The following EIF4E3 variants were observed in gnomAD, a reference collection of about 807,000 sequenced individuals.
EIF4E3 encodes eukaryotic translation initiation factor 4E family member 3, also known as eukaryotic translation initiation factor 4E type 3.
EIF4E3 carries 26 observed loss-of-function variants against 31.7 expected under a neutral mutation model. The observed-to-expected ratio is 0.82, with a 90% CI of 0.60 to 1.14. The LOEUF (loss-of-function observed/expected upper bound fraction) is 1.14. Among genes scored for constraint, EIF4E3 ranks in the 50% most tolerant of loss-of-function variants. EIF4E3 has a pLI of 0.00. For missense variants in EIF4E3, 304 were observed against 270.9 expected, an observed-to-expected ratio of 1.12 and a Z score of -0.86; for synonymous variants, 128 against 107.7, an observed-to-expected ratio of 1.19 and a Z score of -1.17.
At chr3:71,706,739 C>A (rs6785299) in intron 2 of EIF4E3, among the ~76,000 whole-genome samples, 2,832 of 152,198 alleles carry the variant, frequency 0.019, 84 homozygotes, top group African/African-American at 0.065. Context: ...GGGAGGATCT[C>A]TTGAGACCAG....
intron 2 of EIF4E3, among the ~76,000 whole-genome samples, chr3:71,706,914 C>T (rs1210894692): frequency 2.0e-5 from 3 of 152,144 alleles, no homozygotes; most frequent in African/African-American, 7.2e-5. Context: ...AGATAGTATC[C>T]TGGCCAGTTC....
rs897084135 is a variant in EIF4E3, at chr3:71,678,597, A to G, written c.*6085T>C. ...ATAAAATCAAAAATAACTAGAACAG[A>G]AAAGTTTTCAGTCTGACCTTAAAAA... is the stretch of plus-strand genomic sequence containing the variant. On this transcript the variant is annotated 3_prime_UTR_variant, in exon 7 of 7. Coordinates refer to ENST00000425534, the MANE Select transcript of EIF4E3 (RefSeq NM_001134651.2). 1 of 152,170 alleles carries G rather than the reference A, an allele frequency of 6.6e-6. No individual in the cohort carries two copies. Among genetic ancestry groups the G allele is most frequent in the South Asian group, 2.1e-4 (1 of 4,824 alleles). 9.4% of individuals were successfully genotyped at this position (152,170 alleles called of 1,614,324 possible).
At chr3:71,733,256 C>A (rs1486940589) in intron 1 of EIF4E3, among the ~76,000 whole-genome samples, 1 of 152,162 alleles carries the variant, frequency 6.6e-6, no homozygotes, top group African/African-American at 2.4e-5. Flanking sequence ...ATTTCAGCAA[C>A]CATCTTGGAG....
upstream of EIF4E3, chr3:71,754,169 G>T (rs1286436932): frequency 6.9e-7 from 1 of 1,453,134 alleles, no homozygotes; most frequent in Non-Finnish European, 9.1e-7. This position sits in a 1 kb window ranked among gnomAD's most constrained non-coding sequence, Gnocchi z 5.8. Flanking sequence ...TGCTGTTCGC[G>T]CTGCTGATCG....
intron 2 of EIF4E3, among the ~76,000 whole-genome samples, chr3:71,705,864 G>A (rs937913161): frequency 2.6e-5 from 4 of 152,014 alleles, no homozygotes; most frequent in Admixed American, 6.6e-5. Context: ...TTGGGCTCAC[G>A]CAATCCTCCC....
At chr3:71,667,328 T>C in the EIF4E3 span, among the ~76,000 whole-genome samples, 3 of 152,188 alleles carry the variant, frequency 2.0e-5, no homozygotes, top group Admixed American at 6.5e-5. Context: ...AGCATTCCCA[T>C]TGAAAACTGG....
At chr3:71,694,662 C>A (rs1413090153) in intron 4 of EIF4E3, among the ~76,000 whole-genome samples, 1 of 152,162 alleles carries the variant, frequency 6.6e-6, no homozygotes, top group South Asian at 2.1e-4. Flanking sequence ...CCCATTTATC[C>A]TCCTTCCTGT....
chr3:71,753,770 G>C (rs1377681610), upstream of EIF4E3: 1 of 157,188 alleles, frequency 6.4e-6, no homozygotes, highest in Middle Eastern at 3.0e-3. Flanking sequence ...GATGCGGGGG[G>C]CTGCGGACGG....
At chr3:71,719,617 A>G (rs1322388173) in intron 1 of EIF4E3, among the ~76,000 whole-genome samples, 3 of 152,154 alleles carry the variant, frequency 2.0e-5, no homozygotes, top group Non-Finnish European at 4.4e-5. Context: ...AGTCACAGAC[A>G]TAAGGAAGTT....
chr3:71,681,768 C>T lies in EIF4E3; in HGVS notation c.*2914G>A, dbSNP rs966444494. 6.6e-6 allele frequency: 1 copy of T among 152,128 alleles called. No individual in the cohort carries two copies. The allele number at this position is 152,128 out of a possible 1,614,324, so 9.4% of individuals were successfully genotyped here. A position where few individuals can be genotyped will look rare whatever the true frequency, so the allele number is the denominator to read the frequency against. ...TTATGTCTATAGGACCCAATTATACCTAAAGTTTCTAAGCTATAAAGTCTT... is the reference window on the plus strand; with the variant it reads ...TTATGTCTATAGGACCCAATTATACTTAAAGTTTCTAAGCTATAAAGTCTT... On this transcript the variant is annotated 3_prime_UTR_variant, in exon 7 of 7. Transcript: ENST00000425534.
chr3:71,686,906 G>T (rs193244510), intron 6 of EIF4E3, among the ~76,000 whole-genome samples: 23 of 152,278 alleles, frequency 1.5e-4, no homozygotes, highest in Non-Finnish European at 2.9e-5. Flanking sequence ...TTATAGAATT[G>T]CTCTAAGCCT....
upstream of EIF4E3, among the ~76,000 whole-genome samples, chr3:71,728,032 G>A (rs1210768300): frequency 6.6e-6 from 1 of 152,064 alleles, no homozygotes; most frequent in Non-Finnish European, 1.5e-5. Context: ...TACATTTGGT[G>A]CTCAATCACA....
chr3:71,714,309 A>AG (rs1199324357), intron 1 of EIF4E3, among the ~76,000 whole-genome samples: 111 of 137,436 alleles, frequency 8.1e-4, no homozygotes, highest in African/African-American at 2.9e-3. Context: ...AAGGAACGAA[A>AG]GAAAGGAAAG....
At chr3:71,690,621 G>C (rs920489949) in intron 5 of EIF4E3, among the ~76,000 whole-genome samples, 5 of 152,176 alleles carry the variant, frequency 3.3e-5, no homozygotes, top group Non-Finnish European at 5.9e-5. Context: ...CAAGCTTTCA[G>C]GGACCTTGGA....
At chr3:71,700,770 G>A (rs1288931231) in intron 2 of EIF4E3, among the ~76,000 whole-genome samples, 1 of 152,168 alleles carries the variant, frequency 6.6e-6, no homozygotes, top group African/African-American at 2.4e-5. Context: ...TAAAGGAAGA[G>A]GGAACAGCTC....
chr3:71,668,408 A>G, the EIF4E3 span, among the ~76,000 whole-genome samples: 2 of 152,198 alleles, frequency 1.3e-5, no homozygotes, highest in African/African-American at 4.8e-5. Flanking sequence ...GATTTAATCA[A>G]ACTAAAGAGC....
intron 1 of EIF4E3, among the ~76,000 whole-genome samples, chr3:71,717,381 G>A (rs2108099484): frequency 6.6e-6 from 1 of 152,306 alleles, no homozygotes; most frequent in South Asian, 2.1e-4. Flanking sequence ...ATTGTCACAA[G>A]CGCATTTGTC....
At chr3:71,704,797 G>T (rs868471664) in intron 2 of EIF4E3, among the ~76,000 whole-genome samples, 4 of 152,198 alleles carry the variant, frequency 2.6e-5, no homozygotes, top group South Asian at 2.1e-4. Context: ...CAGTTTCACA[G>T]TTGAAGTGAC....
chr3:71,742,042 T>A (rs2049826448), intron 1 of EIF4E3, among the ~76,000 whole-genome samples: 1 of 152,126 alleles, frequency 6.6e-6, no homozygotes, highest in Non-Finnish European at 1.5e-5. Context: ...ATAACACAAA[T>A]GCCCGAATAA....
Sources: allele counts gnomAD v4.1 joint callset (sites outside exome capture counted in the v4.1 genomes callset), GRCh38; gene constraint gnomAD v4.1.1; non-coding constraint Gnocchi (gnomAD v3.1); transcripts MANE v1.5; gene names NCBI Gene and HGNC (gene_info 2026-07-23, HGNC 2026-07-21).